Variants in SBK1 observed in about 807,000 individuals in gnomAD.
SBK1 encodes the protein serine/threonine-protein kinase SBK1.
A neutral mutation model predicts 24.4 loss-of-function variants in SBK1; 11 were observed. The ratio of observed to expected loss-of-function variants is 0.45; its 90% CI spans 0.28 to 0.75. The LOEUF (loss-of-function observed/expected upper bound fraction) is 0.75. Ranked by LOEUF, SBK1 falls within the 30% of genes least tolerant of loss-of-function variation. The pLI is 0.12. For missense variants in SBK1, 467 were observed against 620.5 expected (o/e 0.75, Z 2.63); for synonymous variants, 308 against 284.4 (o/e 1.08, Z -0.83).
At chr16:28,283,864 T>C (rs904354145) in intron 1 of SBK1, among the ~76,000 whole-genome samples, 1 of 151,860 alleles carries the variant, frequency 6.6e-6, no homozygotes, top group African/African-American at 2.4e-5. Context: ...GCCAGCATCC[T>C]CATCTCTTTT....
In SBK1 at chr16:28,320,799, G is replaced by A. The variant is rs1192791653; in HGVS notation, c.1153G>A (p.Val385Met). Residue 385 changes from valine to methionine, a missense_variant, in exon 4 of 4, where the codon GTG becomes ATG. Around this residue, in one of 4 missense-constraint regions of SBK1, gnomAD observed 166 missense variants for 146.8 expected, o/e 1.13. Transcript: ENST00000341901. The surrounding 1 kb of genome is among the most constrained non-coding windows in gnomAD (Gnocchi z 8.5). ...LPVPVPVPVP[V>M]PVPVPEPGLA... ...CGTGCCGGTGCCGGTGCCAGTGCCC[G>A]TGCCGGTGCCTGTGCCCGAGCCCGG... 1.7e-5 allele frequency: 25 copies of A among 1,435,272 alleles called. No individual in the cohort carries two copies. The Admixed American group carries it at 3.9e-4, about 23-fold the overall frequency. 88.9% of individuals were successfully genotyped at this position (1,435,272 alleles called of 1,614,324 possible). A position where few individuals can be genotyped will look rare whatever the true frequency, so the allele number is the denominator to read the frequency against.
intron 1 of SBK1, among the ~76,000 whole-genome samples, chr16:28,308,614 G>C (rs979031288): frequency 6.6e-6 from 1 of 151,648 alleles, no homozygotes; most frequent in East Asian, 1.9e-4. Flanking sequence ...TGTAGATAGA[G>C]ATGGAGGTCT....
chr16:28,280,100 C>T (rs2044520361), intron 1 of SBK1, among the ~76,000 whole-genome samples: 1 of 103,308 alleles, frequency 9.7e-6, no homozygotes, highest in African/African-American at 3.9e-5. Flanking sequence ...CCATGCCTCC[C>T]TAATTTGAAA....
intron 1 of SBK1, among the ~76,000 whole-genome samples, chr16:28,309,969 C>T (rs898779833): frequency 2.0e-5 from 3 of 152,192 alleles, no homozygotes; most frequent in African/African-American, 7.2e-5. Flanking sequence ...AGTTGGGTGT[C>T]GTTTCATAAG....
rs570575154 is a variant in SBK1, at chr16:28,259,939, C to T, written c.257+437C>T. Among the ~76,000 whole-genome samples the T allele has an allele frequency of 6.6e-5, 10 of 152,196 alleles. No individual in the cohort carries two copies. Among genetic ancestry groups the T allele is most frequent in the East Asian group, 1.9e-4 (1 of 5,176 alleles). On this transcript the variant is annotated intron_variant, in intron 1 of 3. Coordinates refer to the SBK1 transcript ENST00000671413. This position sits in a 1 kb window ranked among gnomAD's most constrained non-coding sequence, Gnocchi z 6.0. ...CTCCTCCATCCAGGCCCAGCTGCAA[C>T]GCTTCCTCCTTCAGGAAGCCCTCCT...
intron 1 of SBK1, among the ~76,000 whole-genome samples, chr16:28,305,042 G>T (rs2044706523): frequency 1.3e-5 from 2 of 151,176 alleles, no homozygotes; most frequent in South Asian, 4.2e-4. Context: ...CCATATGGTG[G>T]AACTTCAGGC....
intron 1 of SBK1, among the ~76,000 whole-genome samples, chr16:28,315,425 T>C (rs1475092000): frequency 6.6e-6 from 1 of 151,980 alleles, no homozygotes; most frequent in African/African-American, 2.4e-5. Flanking sequence ...AATAAAGAAA[T>C]GAAGGCCACG....
At chr16:28,281,276 G>A (rs1027062855) in intron 1 of SBK1, among the ~76,000 whole-genome samples, 1 of 152,152 alleles carries the variant, frequency 6.6e-6, no homozygotes, top group South Asian at 2.1e-4. Flanking sequence ...TGCAGGCCCA[G>A]CTCCTCCCAG....
chr16:28,319,132 G>A lies in SBK1; in HGVS notation c.364G>A (p.Asp122Asn). ...KVFDVVFETE[D>N]CYVFAQEYAP... is the part of the protein sequence containing the mutation. ...CTTTGACGTGGTCTTTGAGACAGAG[G>A]ACTGCTACGTCTTTGCCCAGGAGTA... Residue 122 changes from aspartate (D) to asparagine (N), a missense_variant, in exon 3 of 4, where the codon GAC (aspartate) becomes AAC (asparagine). Asp to Asn is a conservative substitution (Grantham distance 23). Coordinates refer to ENST00000341901, the MANE Select transcript of SBK1 (RefSeq NM_001024401.3). The surrounding 1 kb of genome is among the most constrained non-coding windows in gnomAD (Gnocchi z 4.0). The A allele has an allele frequency of 2.5e-6, 4 of 1,614,084 alleles. No homozygotes were observed. The highest frequency in any genetic ancestry group is 3.4e-6 in the Non-Finnish European group (4 of 1,179,966).
intron 1 of SBK1, among the ~76,000 whole-genome samples, chr16:28,260,083 C>CG (rs60374525): frequency 0.13 from 7,690 of 58,694 alleles, 673 homozygotes; most frequent in African/African-American, 0.26. Context: ...TGTGTATTTG[C>CG]TTGTGTGTGT....
At chr16:28,290,886 C>T (rs1048014086), upstream of SBK1, 1 of 152,150 alleles carries the variant, frequency 6.6e-6, no homozygotes, top group African/African-American at 2.4e-5. Context: ...TCAATATTTC[C>T]GAATTTTGGG....
intron 1 of SBK1, among the ~76,000 whole-genome samples, chr16:28,282,581 C>G (rs985306057): frequency 6.6e-6 from 1 of 151,538 alleles, no homozygotes; most frequent in African/African-American, 2.4e-5. Flanking sequence ...TTTAGCCAGC[C>G]CTTTTATCCC....
intron 1 of SBK1, among the ~76,000 whole-genome samples, chr16:28,304,898 G>A (rs572512555): frequency 3.3e-5 from 5 of 152,066 alleles, no homozygotes; most frequent in South Asian, 2.1e-4. Context: ...GTGAGCCACC[G>A]CGCACGGCAG....
intron 1 of SBK1, among the ~76,000 whole-genome samples, chr16:28,311,637 A>G (rs1456169955): frequency 3.3e-5 from 5 of 152,080 alleles, no homozygotes; most frequent in Non-Finnish European, 5.9e-5. Flanking sequence ...CCAGGAGTTC[A>G]AGGCTACAGT....
Position 28,317,235 on chromosome 16 carries a change from ACCAAGATGCTTGTCGCCCCCTT to A in SBK1, c.-7-149_-7-128del. The A allele has an allele frequency of 4.7e-6, 3 of 635,990 alleles. No individual in the cohort carries two copies. Among genetic ancestry groups the A allele is most frequent in the Non-Finnish European group, 8.2e-6 (3 of 363,890 alleles). 39.4% of individuals were successfully genotyped at this position (635,990 alleles called of 1,614,324 possible). ...CTGAGGCTTTGGGGAAGGCGACGCG[ACCAAGATGCTTGTCGCCCCCTT>A]GTGGTTATCTTGGGCCTGGCATCCG... is the stretch of plus-strand genomic sequence containing the variant. On this transcript the variant is annotated intron_variant, in intron 1 of 3. Transcript: ENST00000341901. This position sits in a 1 kb window ranked among gnomAD's most constrained non-coding sequence, Gnocchi z 4.2.
intron 1 of SBK1, among the ~76,000 whole-genome samples, chr16:28,266,570 G>A (rs1012124838): frequency 6.6e-6 from 1 of 151,912 alleles, no homozygotes; most frequent in African/African-American, 2.4e-5. Context: ...ACGGCTCTAG[G>A]AAGCTCTTCC....
Position 28,259,435 on chromosome 16 carries a change from G to C in SBK1, c.190G>C (p.Ala64Pro). The change falls in exon 1 of 4, where the codon GCC becomes CCC. Residue 64 changes from alanine to proline, a missense_variant. By Grantham distance (27) the Ala-to-Pro change is conservative. Coordinates refer to the SBK1 transcript ENST00000671413. This position sits in a 1 kb window ranked among gnomAD's most constrained non-coding sequence, Gnocchi z 6.0. ...GGGCTGCGGAGTCGATGATGTGCCG[G>C]CCTTCTGCTTCGTCTGCTTCCACAG... The C allele has an allele frequency of 1.0e-6, 1 of 986,050 alleles. No homozygotes were observed. Among genetic ancestry groups the C allele is most frequent in the Non-Finnish European group, 1.2e-6 (1 of 830,416 alleles). The allele number at this position is 986,050 out of a possible 1,614,324, so 61.1% of individuals were successfully genotyped here. A position where few individuals can be genotyped will look rare whatever the true frequency, so the allele number is the denominator to read the frequency against.
chr16:28,270,933 C>T (rs551613247), intron 1 of SBK1, among the ~76,000 whole-genome samples: 32 of 151,984 alleles, frequency 2.1e-4, no homozygotes, highest in Non-Finnish European at 3.4e-4. Flanking sequence ...GCGTGCTCTC[C>T]GCTCACTGCA....
intron 1 of SBK1, among the ~76,000 whole-genome samples, chr16:28,268,534 G>A (rs574041434): frequency 1.2e-3 from 179 of 151,920 alleles, no homozygotes; most frequent in Non-Finnish European, 1.9e-3. Context: ...AGGCTGAGGC[G>A]GGTGGATCAC....
Sources: allele counts gnomAD v4.1 joint callset (sites outside exome capture counted in the v4.1 genomes callset), GRCh38; gene constraint gnomAD v4.1.1; regional missense constraint gnomAD v4.1.1; non-coding constraint Gnocchi (gnomAD v3.1); transcripts MANE v1.5; gene names NCBI Gene and HGNC (gene_info 2026-07-23, HGNC 2026-07-21).